The following PNLIPRP1 variants were observed in gnomAD, a reference collection of about 807,000 sequenced individuals.
PNLIPRP1 encodes pancreatic lipase related protein 1, also known as inactive pancreatic lipase-related protein 1.
Under a neutral mutation model 54.6 loss-of-function variants are expected in PNLIPRP1, and 57 were observed. That is an observed-to-expected ratio of 1.04 (90% CI 0.84 to 1.30). The LOEUF is 1.30. Ranked by LOEUF, PNLIPRP1 falls within the 50% of genes most tolerant of loss-of-function variation. PNLIPRP1 has a pLI of 0.00. For missense variants in PNLIPRP1, 567 were observed against 568.5 expected, an observed-to-expected ratio of 1.00 and a Z score of 0.03; for synonymous variants, 232 against 208.8, an observed-to-expected ratio of 1.11 and a Z score of -0.96.
Position 116,601,071 on chromosome 10 carries a change from G to A in PNLIPRP1, c.934-1G>A. ...CAGTCCCATCTATCTCTTCTCATTA[G>A]GACAAGTGCTTCCCGTGTCCAGATC... is the stretch of plus-strand genomic sequence containing the variant. On this transcript the variant is annotated splice_acceptor_variant, in intron 9 of 12. Transcript: ENST00000358834. LOFTEE classifies it high-confidence loss of function. 6.2e-7 allele frequency: 1 copy of A among 1,610,788 alleles called. No homozygotes were observed. The highest frequency in any genetic ancestry group is 8.5e-7 in the Non-Finnish European group (1 of 1,179,028).
rs1847921529 is a variant in PNLIPRP1 at position 116,605,504 on chromosome 10, A to G, written c.1291A>G (p.Lys431Glu). ...CAATGTGATAAATCCAACCCTCCCC[A>G]AAGTGGGTGCCACCAAGATCACTGT... is the stretch of plus-strand genomic sequence containing the variant. ...NNNVINPTLP[K>E]VGATKITVQK... is the part of the protein sequence containing the mutation. The change falls in exon 12 of 13, where the codon AAA becomes GAA. Residue 431 changes from lysine to glutamate, a missense_variant. Transcript: ENST00000358834. 1 of 1,611,250 alleles carries G rather than the reference A, an allele frequency of 6.2e-7. No individual in the cohort carries two copies. The highest frequency in any genetic ancestry group is 8.5e-7 in the Non-Finnish European group (1 of 1,178,038).
Position 116,600,120 on chromosome 10 carries a change from T to C in PNLIPRP1, c.888T>C (p.Asp296=). Residue 296 remains aspartate (D), a synonymous_variant, in exon 9 of 13, where the codon GAT becomes GAC. Transcript: ENST00000358834. ...ACTTGGAAAGCATCCTCAATCCCGATGGGTTTGCTGCATATCCCTGCACTT... is the reference window on the plus strand; with the variant it reads ...ACTTGGAAAGCATCCTCAATCCCGACGGGTTTGCTGCATATCCCTGCACTT... ...KYYLESILNP[D]GFAAYPCTSY... 6.2e-7 allele frequency: 1 copy of C among 1,613,732 alleles called. No individual in the cohort carries two copies. The highest frequency in any genetic ancestry group is 8.5e-7 in the Non-Finnish European group (1 of 1,179,696).
chr10:116,602,896 GGTTT>G (rs1774354140), intron 10 of PNLIPRP1, among the ~76,000 whole-genome samples: 1 of 151,702 alleles, frequency 6.6e-6, no homozygotes, highest in South Asian at 2.1e-4. Context: ...AATGTGTGTA[GGTTT>G]GTGTGTGTGT....
At position 116,609,114 on chromosome 10, in the gene PNLIPRP1, T is replaced by C. The variant is rs1589579510; in HGVS notation, c.1402T>C (p.Ter468GlnextTer12). 7 of 1,608,610 alleles carry C rather than the reference T, an allele frequency of 4.4e-6. No homozygotes were observed. Among genetic ancestry groups the C allele is most frequent in the Non-Finnish European group, 5.1e-6 (6 of 1,176,724 alleles). ...CACGCTGCTCACCCTCACGCCCTGC[T>C]AAGCTCCCGGGGCGACGAGGCTGCT... ...EDTLLTLTPC* is the reference protein window; with the variant it reads ...EDTLLTLTPCQ The change falls in exon 13 of 13, where the codon TAA becomes CAA. Residue 468 changes from the stop codon to glutamine (Q), a stop_lost. Transcript: ENST00000358834.
At chr10:116,592,667 T>C (rs1554863410) in intron 4 of PNLIPRP1, 126 bp downstream of exon 4, 1 of 1,154,180 alleles carries the variant, frequency 8.7e-7, no homozygotes, top group Non-Finnish European at 1.3e-6. Flanking sequence ...AATGCTTCTC[T>C]TCACAAAAAT....
intron 4 of PNLIPRP1, chr10:116,594,399 G>A: frequency 3.9e-6 from 2 of 510,130 alleles, no homozygotes; most frequent in Non-Finnish European, 7.7e-6. Context: ...ACCGGAGATT[G>A]CACCTAAGAC....
intron 10 of PNLIPRP1, among the ~76,000 whole-genome samples, chr10:116,601,763 C>T (rs1847844649): frequency 6.6e-6 from 1 of 152,142 alleles, no homozygotes; most frequent in South Asian, 2.1e-4. Context: ...CATGTTTGGG[C>T]CACTTTGTAC....
At chr10:116,604,169 T>C in intron 11 of PNLIPRP1, 31 bp downstream of exon 11, 2 of 1,164,996 alleles carry the variant, frequency 1.7e-6, no homozygotes, top group African/African-American at 1.5e-5. Flanking sequence ...TACGTCTCAT[T>C]TGATGATATA....
intron 3 of PNLIPRP1, 49 bp downstream of exon 3, chr10:116,591,974 C>A (rs1554863268): frequency 6.9e-6 from 11 of 1,593,110 alleles, no homozygotes; most frequent in Non-Finnish European, 9.5e-6. Context: ...CGGGGCTATG[C>A]CCACCCTGCA....
chr10:116,596,374 A>G, intron 6 of PNLIPRP1, 52 bp downstream of exon 6: 1 of 1,110,584 alleles, frequency 9.0e-7, no homozygotes, highest in Non-Finnish European at 1.4e-6. Flanking sequence ...CCCCAGAATG[A>G]GGTCTCAAGA....
At chr10:116,600,417 A>G in intron 9 of PNLIPRP1, 1 of 372,542 alleles carries the variant, frequency 2.7e-6, no homozygotes. Flanking sequence ...ATTCAATGAT[A>G]TAGAGGCTTC....
At chr10:116,604,371 T>C (rs1554865266) in intron 11 of PNLIPRP1, among the ~76,000 whole-genome samples, 3 of 152,216 alleles carry the variant, frequency 2.0e-5, no homozygotes, top group African/African-American at 7.2e-5. Flanking sequence ...GATACACAAA[T>C]ACTTACCATT....
chr10:116,604,475 A>G (rs975137409), intron 11 of PNLIPRP1, among the ~76,000 whole-genome samples: 8 of 152,328 alleles, frequency 5.3e-5, no homozygotes, highest in Admixed American at 3.3e-4. Context: ...CTAGGTATGT[A>G]GTAGGCTGTG....
intron 10 of PNLIPRP1, among the ~76,000 whole-genome samples, chr10:116,603,378 T>A (rs1847882672): frequency 6.6e-6 from 1 of 152,224 alleles, no homozygotes; most frequent in African/African-American, 2.4e-5. Flanking sequence ...GAGGGGCATA[T>A]TCTGTGTAGC....
intron 8 of PNLIPRP1, 82 bp downstream of exon 8, chr10:116,598,248 T>A (rs2133233592): frequency 7.8e-7 from 1 of 1,287,858 alleles, no homozygotes; most frequent in South Asian, 1.5e-5. Flanking sequence ...ATCTTAAGAA[T>A]AAAAATGAAA....
At chr10:116,604,683 T>C (rs370495832) in intron 11 of PNLIPRP1, among the ~76,000 whole-genome samples, 21 of 136,608 alleles carry the variant, frequency 1.5e-4, no homozygotes, top group Admixed American at 9.0e-4. Context: ...TTCTCTCTCT[T>C]TTTTTTTTTT....
At chr10:116,591,717 C>T in intron 2 of PNLIPRP1, 54 bp from the exon 3 acceptor site, 2 of 1,591,586 alleles carry the variant, frequency 1.3e-6, no homozygotes, top group Non-Finnish European at 1.7e-6. Flanking sequence ...GCAGTGACAC[C>T]CCAGAGCACA....
intron 11 of PNLIPRP1, among the ~76,000 whole-genome samples, chr10:116,605,028 C>T (rs782244090): frequency 2.0e-5 from 3 of 152,030 alleles, no homozygotes; most frequent in African/African-American, 4.8e-5. Context: ...AAACATAAAT[C>T]TAATATTACT....
intron 1 of PNLIPRP1, 31 bp downstream of exon 1, chr10:116,591,026 G>C (rs1847625744): frequency 3.7e-6 from 3 of 819,818 alleles, no homozygotes; most frequent in Admixed American, 3.9e-5. Flanking sequence ...CTTTCCCCCT[G>C]CTGTGACGTA....
Sources: gnomAD v4.1 joint callset for allele counts (sites outside exome capture counted in the v4.1 genomes callset) on GRCh38, gnomAD v4.1.1 for gene constraint, MANE v1.5 for transcripts, NCBI Gene and HGNC (gene_info 2026-07-23, HGNC 2026-07-21) for gene names.